The following GTF2A1 variants were observed in gnomAD, a reference collection of about 807,000 sequenced individuals.
GTF2A1 encodes the protein transcription initiation factor IIA subunit 1.
A neutral mutation model predicts 54.1 loss-of-function variants in GTF2A1; 12 were observed. The ratio of observed to expected loss-of-function variants is 0.22; its 90% CI spans 0.14 to 0.36. GTF2A1 has a LOEUF of 0.36. Ranked by LOEUF, GTF2A1 falls within the 10% of genes least tolerant of loss-of-function variation. GTF2A1 has a pLI of 1.00. For synonymous variants in GTF2A1, 145 were observed against 152.0 expected (o/e 0.95, Z 0.34); for missense variants, 335 against 442.2 (o/e 0.76, Z 2.17).
intron 1 of GTF2A1, among the ~76,000 whole-genome samples, chr14:81,218,017 A>G (rs1893523808): frequency 6.6e-6 from 1 of 152,102 alleles, no homozygotes; most frequent in East Asian, 1.9e-4. Context: ...TCTATATATA[A>G]GGAAAGTATA....
At chr14:81,210,025 T>A (rs56345655) in intron 2 of GTF2A1, 5 of 380,724 alleles carry the variant, frequency 1.3e-5, no homozygotes, top group Non-Finnish European at 1.8e-5. Context: ...GCAGGACAAT[T>A]CTTTATCATA....
At chr14:81,181,589 G>A (rs1892639965) in intron 8 of GTF2A1, among the ~76,000 whole-genome samples, 1 of 152,036 alleles carries the variant, frequency 6.6e-6, no homozygotes, top group Non-Finnish European at 1.5e-5. Context: ...CTGTTATCCA[G>A]GCTGGAGTGC....
chr14:81,202,949 A>G (rs1481751302), intron 3 of GTF2A1: 2 of 370,240 alleles, frequency 5.4e-6, no homozygotes, highest in Non-Finnish European at 1.0e-5. Context: ...ACTGTGTGTC[A>G]TTACCAATTT....
rs763824221 is a variant in GTF2A1, at chr14:81,220,503, T to G, written c.16A>C (p.Asn6His). The change falls in exon 1 of 9, where the codon AAT becomes CAT. Residue 6 changes from asparagine (N) to histidine (H), a missense_variant. Asn to His is a moderately conservative substitution (Grantham distance 68, BLOSUM62 1). Around this residue, in one of 2 missense-constraint regions of GTF2A1, gnomAD observed 306 missense variants for 360.4 expected, o/e 0.85. Coordinates refer to ENST00000553612, the MANE Select transcript of GTF2A1 (RefSeq NM_015859.4). ...CACGTCCTTACCACGGTGTTTGTAT[T>G]TGCCGAGTTCGCCATTTCCACACAC... Reference protein sequence around the residue: MANSANTNTVPKLYRS... With the variant: MANSAHTNTVPKLYRS... The G allele has an allele frequency of 6.3e-7, 1 of 1,580,596 alleles. No homozygotes were observed.
chr14:81,193,782 GTAT>G (rs966597226), intron 6 of GTF2A1, among the ~76,000 whole-genome samples: 7 of 152,222 alleles, frequency 4.6e-5, no homozygotes, highest in Admixed American at 4.6e-4. Flanking sequence ...TTAACTATAT[GTAT>G]TATAATAAAG....
chr14:81,181,522 G>C (rs1892638457), intron 8 of GTF2A1, among the ~76,000 whole-genome samples: 1 of 152,068 alleles, frequency 6.6e-6, no homozygotes, highest in Non-Finnish European at 1.5e-5. Flanking sequence ...ATGCAGAAAT[G>C]CTCAACAGGT....
intron 2 of GTF2A1, among the ~76,000 whole-genome samples, chr14:81,211,875 T>TCATATATATACATATATATATATATA (rs1419902730): frequency 1.5e-5 from 1 of 68,488 alleles, no homozygotes; most frequent in African/African-American, 5.1e-5. Flanking sequence ...ATCAAGTACT[T>TCATATATATACATATATATATATATA]TATATATATA....
rs147197797 is a variant in GTF2A1 at position 81,197,595 on chromosome 14, A to T, written c.403-111T>A. 1.6e-4 allele frequency: 95 copies of T among 606,464 alleles called. 1 individual carries two copies. The highest frequency in any genetic ancestry group is 9.4e-4 in the African/African-American group (50 of 53,080). 37.6% of individuals were successfully genotyped at this position (606,464 alleles called of 1,614,324 possible). On this transcript the variant is annotated intron_variant, in intron 4 of 8. Coordinates refer to ENST00000553612, the MANE Select transcript of GTF2A1 (RefSeq NM_015859.4). ...TTTTGTTTAGAATATACCAAAATTT[A>T]AAAAATCTAGTAAGGCTAAATCCCA...
At chr14:81,221,122 G>A (rs1043105215), upstream of GTF2A1, 4 of 152,348 alleles carry the variant, frequency 2.6e-5, no homozygotes, top group Admixed American at 2.0e-4. Context: ...GGAGCCCGGG[G>A]AGTGAAGTAG....
intron 2 of GTF2A1, among the ~76,000 whole-genome samples, chr14:81,206,691 C>T (rs900734958): frequency 8.5e-5 from 13 of 152,068 alleles, no homozygotes; most frequent in African/African-American, 3.1e-4. Context: ...AAATCTAGAC[C>T]GATGTTTTTC....
chr14:81,186,806 G>A (rs142172629), intron 7 of GTF2A1, among the ~76,000 whole-genome samples: 6 of 151,996 alleles, frequency 3.9e-5, no homozygotes, highest in Non-Finnish European at 8.8e-5. Context: ...AAAAATTAGC[G>A]AGGTATGGTG....
At chr14:81,212,609 T>C (rs2140040149) in intron 2 of GTF2A1, among the ~76,000 whole-genome samples, 1 of 152,304 alleles carries the variant, frequency 6.6e-6, no homozygotes, top group African/African-American at 2.4e-5. Context: ...TACAAGCTTT[T>C]GATAAGTTTG....
At chr14:81,190,543 G>A (rs984441066) in intron 7 of GTF2A1, among the ~76,000 whole-genome samples, 3 of 152,022 alleles carry the variant, frequency 2.0e-5, no homozygotes, top group Non-Finnish European at 2.9e-5. Flanking sequence ...AACATTACGT[G>A]AGAAATTATA....
chr14:81,214,006 C>A (rs1009006433), intron 2 of GTF2A1, among the ~76,000 whole-genome samples: 4 of 151,964 alleles, frequency 2.6e-5, no homozygotes, highest in African/African-American at 9.7e-5. Flanking sequence ...CCATGCCCAG[C>A]TAATTTTTGT....
chr14:81,209,750 G>C (rs887514708), intron 2 of GTF2A1: 4 of 374,276 alleles, frequency 1.1e-5, no homozygotes, highest in South Asian at 2.1e-5. Context: ...TATTCCTTAC[G>C]ATCAGCAGTT....
chr14:81,210,701 T>C (rs1055470898), intron 2 of GTF2A1, among the ~76,000 whole-genome samples: 1 of 152,164 alleles, frequency 6.6e-6, no homozygotes, highest in Non-Finnish European at 1.5e-5. Context: ...ATTATAAGCA[T>C]GCACCACCAT....
At chr14:81,218,131 T>A (rs2140045595) in intron 1 of GTF2A1, among the ~76,000 whole-genome samples, 1 of 151,852 alleles carries the variant, frequency 6.6e-6, no homozygotes, top group Non-Finnish European at 1.5e-5. Context: ...CCTCGAGGCG[T>A]TAGGAGGGCA....
At chr14:81,190,409 GTCC>G (rs1349910555) in intron 7 of GTF2A1, among the ~76,000 whole-genome samples, 1 of 151,838 alleles carries the variant, frequency 6.6e-6, no homozygotes, top group Non-Finnish European at 1.5e-5. Context: ...CTACAAAAAA[GTCC>G]TCAACAAAAT....
chr14:81,186,454 T>TC (rs1160418512), intron 7 of GTF2A1, among the ~76,000 whole-genome samples: 5 of 143,874 alleles, frequency 3.5e-5, no homozygotes, highest in African/African-American at 8.7e-5. Flanking sequence ...GATTCAGACT[T>TC]TTTTTTTTTC....
Sources: allele counts gnomAD v4.1 joint callset (sites outside exome capture counted in the v4.1 genomes callset), GRCh38; gene constraint gnomAD v4.1.1; regional missense constraint gnomAD v4.1.1; transcripts MANE v1.5; gene names NCBI Gene and HGNC (gene_info 2026-07-23, HGNC 2026-07-21).